MCCC1: variants seen among roughly 807,000 people sequenced by gnomAD.
The protein encoded by MCCC1 is methylcrotonoyl-CoA carboxylase subunit alpha, mitochondrial.
Under a neutral mutation model 83.8 loss-of-function variants are expected in MCCC1, and 64 were observed. The observed-to-expected ratio is 0.76, with a 90% CI of 0.62 to 0.94. MCCC1 has a LOEUF of 0.94. Among genes scored for constraint, MCCC1 ranks in the 40% least tolerant of loss-of-function variants. MCCC1 has a pLI of 0.00. For missense variants in MCCC1, 807 were observed against 904.7 expected (o/e 0.89, Z 1.39); for synonymous variants, 322 against 315.4 (o/e 1.02, Z -0.22).
At chr3:183,080,754 G>T (rs1267940806) in intron 4 of MCCC1, among the ~76,000 whole-genome samples, 3 of 152,184 alleles carry the variant, frequency 2.0e-5, no homozygotes, top group Admixed American at 6.6e-5. Context: ...ATTTACAAAA[G>T]AAAGAGGTTT....
chr3:183,067,036 T>A (rs1716305855), intron 7 of MCCC1, among the ~76,000 whole-genome samples: 1 of 152,254 alleles, frequency 6.6e-6, no homozygotes, highest in South Asian at 2.1e-4. Flanking sequence ...AGAATCTGCT[T>A]TCTTTTGCAA....
chr3:183,074,716 T>C (rs1716939241), intron 4 of MCCC1, among the ~76,000 whole-genome samples: 1 of 152,194 alleles, frequency 6.6e-6, no homozygotes, highest in South Asian at 2.1e-4. Context: ...AAACCAAAGT[T>C]CAATTTTATT....
chr3:183,042,422 T>C (rs1006793389), intron 10 of MCCC1, among the ~76,000 whole-genome samples: 1 of 152,234 alleles, frequency 6.6e-6, no homozygotes, highest in African/African-American at 2.4e-5. Flanking sequence ...GAAATGGCTA[T>C]TGGAGGACAC....
chr3:183,062,546 G>A (rs1204309089), intron 7 of MCCC1, among the ~76,000 whole-genome samples: 1 of 151,938 alleles, frequency 6.6e-6, no homozygotes, highest in Non-Finnish European at 1.5e-5. Flanking sequence ...GTAGAGACAG[G>A]GTTTCACCGT....
chr3:183,113,712 T>TA (rs547198324), intron 1 of MCCC1, among the ~76,000 whole-genome samples: 250 of 149,304 alleles, frequency 1.7e-3, no homozygotes, highest in African/African-American at 5.8e-3. Flanking sequence ...CAAAAAAAAA[T>TA]AAAAAAAAAT....
chr3:183,046,220 T>A (rs981302767), intron 9 of MCCC1, among the ~76,000 whole-genome samples: 6 of 152,202 alleles, frequency 3.9e-5, no homozygotes, highest in Non-Finnish European at 8.8e-5. Flanking sequence ...CACTAAACCC[T>A]GGGATCCAGG....
intron 14 of MCCC1, among the ~76,000 whole-genome samples, chr3:183,029,628 C>T (rs1712886756): frequency 6.6e-6 from 1 of 152,198 alleles, no homozygotes; most frequent in African/African-American, 2.4e-5. Context: ...AACAGTTGGT[C>T]ATTCTCACTG....
chr3:183,021,204 AC>A (rs1050962041), intron 16 of MCCC1, among the ~76,000 whole-genome samples: 1 of 151,936 alleles, frequency 6.6e-6, no homozygotes, highest in Non-Finnish European at 1.5e-5. Flanking sequence ...AATCATCACA[AC>A]TCTATGAGGA....
chr3:183,076,809 C>G lies in MCCC1; in HGVS notation c.370-4322G>C, dbSNP rs548009503. On this transcript the variant is annotated intron_variant, in intron 4 of 18. Coordinates refer to ENST00000265594, the MANE Select transcript of MCCC1 (RefSeq NM_020166.5). ...TATACTCAAAGTCGCACAATTATCA[C>G]TATAATCTAAAATACTAAGATCTAA... 2.6e-5 allele frequency among the ~76,000 whole-genome samples: 4 copies of G among 152,226 alleles called. No individual in the cohort carries two copies. In the East Asian group the frequency reaches 7.7e-4, roughly 29 times the overall value.
intron 7 of MCCC1, among the ~76,000 whole-genome samples, chr3:183,069,541 T>C (rs1217735390): frequency 1.3e-5 from 2 of 152,132 alleles, no homozygotes; most frequent in African/African-American, 4.8e-5. Context: ...ACAGTTGTTT[T>C]ATAGGGCCTG....
intron 3 of MCCC1, among the ~76,000 whole-genome samples, chr3:183,090,723 G>A (rs1330665843): frequency 1.3e-5 from 2 of 152,016 alleles, no homozygotes; most frequent in Non-Finnish European, 2.9e-5. Context: ...CCGAGTAGCT[G>A]GGATTACAGG....
upstream of MCCC1, among the ~76,000 whole-genome samples, chr3:183,103,486 C>G (rs1269625944): frequency 1.3e-5 from 2 of 152,104 alleles, no homozygotes; most frequent in Non-Finnish European, 2.9e-5. Flanking sequence ...TAGCTAGATA[C>G]GGAGTATCCA....
chr3:183,101,770 T>C (rs1320262042), upstream of MCCC1, among the ~76,000 whole-genome samples: 3 of 152,178 alleles, frequency 2.0e-5, no homozygotes, highest in Admixed American at 6.5e-5. Context: ...TACTGCTCAC[T>C]CTTTGGGTCC....
intron 10 of MCCC1, 46 bp from the exon 11 acceptor site, chr3:183,041,796 T>C (rs1714112207): frequency 6.2e-7 from 1 of 1,603,610 alleles, no homozygotes; most frequent in Admixed American, 1.7e-5. Context: ...GTATAGCGGC[T>C]ACCAGACTTA....
intron 1 of MCCC1, among the ~76,000 whole-genome samples, chr3:183,097,552 G>A (rs1322268300): frequency 2.0e-5 from 3 of 152,108 alleles, no homozygotes; most frequent in Admixed American, 6.5e-5. Flanking sequence ...GTGCCACTAC[G>A]CCTGGCTAAT....
rs892543137 is a variant in MCCC1 at position 183,087,496 on chromosome 3, C to A, written c.274-708G>T. Among the ~76,000 whole-genome samples, 27 of 152,190 alleles carry A rather than the reference C, an allele frequency of 1.8e-4. No homozygotes were observed. In the Middle Eastern group the frequency reaches 0.017, roughly 97 times the overall value. ...AACGTCATGGAGGAAAAACCAAGGG[C>A]ATAAATGCTGTAGGAGGAAGGCCTG... On this transcript the variant is annotated intron_variant, in intron 3 of 18. Coordinates refer to ENST00000265594, the MANE Select transcript of MCCC1 (RefSeq NM_020166.5).
At chr3:183,038,884 TC>T (rs1713835221) in intron 12 of MCCC1, 141 bp downstream of exon 12, 3 of 764,696 alleles carry the variant, frequency 3.9e-6, no homozygotes, top group Non-Finnish European at 6.9e-6. Context: ...CGCAAAATTC[TC>T]CCATGTGAAA....
intron 14 of MCCC1, among the ~76,000 whole-genome samples, chr3:183,033,680 G>T (rs1273853527): frequency 6.6e-6 from 1 of 151,970 alleles, no homozygotes; most frequent in African/African-American, 2.4e-5. Context: ...TGGGGAAAAA[G>T]AGGTTTTTTT....
At chr3:183,083,400 T>C (rs530446627) in intron 4 of MCCC1, among the ~76,000 whole-genome samples, 1 of 152,370 alleles carries the variant, frequency 6.6e-6, no homozygotes, top group South Asian at 2.1e-4. Flanking sequence ...CATTCACTCA[T>C]GTTACTTGGC....
Sources: allele counts gnomAD v4.1 joint callset (sites outside exome capture counted in the v4.1 genomes callset), GRCh38; gene constraint gnomAD v4.1.1; transcripts MANE v1.5; gene names NCBI Gene and HGNC (gene_info 2026-07-23, HGNC 2026-07-21).